Variants in KDM2A observed in about 807,000 individuals in gnomAD.
KDM2A encodes the protein lysine-specific demethylase 2A.
Under a neutral mutation model 137.3 loss-of-function variants are expected in KDM2A, and 3 were observed. The ratio of observed to expected loss-of-function variants is 0.02; its 90% CI spans 0.01 to 0.06. The LOEUF (loss-of-function observed/expected upper bound fraction) is 0.06. Ranked by LOEUF, KDM2A falls within the 10% of genes least tolerant of loss-of-function variation. The pLI is 1.00. For synonymous variants in KDM2A, 512 were observed against 541.5 expected (o/e 0.95, Z 0.76); for missense variants, 738 against 1,510.6 (o/e 0.49, Z 8.48).
Position 67,166,183 on chromosome 11 carries a change from C to G in KDM2A, c.43-13896C>G, listed in dbSNP as rs1590740285. On this transcript the variant is annotated intron_variant, in intron 2 of 20. Transcript: ENST00000529006. ...TTGACTTTCAGGAGAAACAATATTT[C>G]TCTTTTTTTTTTTTTTTTTTTGAGA... Among the ~76,000 whole-genome samples the G allele has an allele frequency of 2.7e-5, 4 of 147,922 alleles. No individual in the cohort carries two copies. In the East Asian group the frequency reaches 7.9e-4, roughly 29 times the overall value.
Position 67,180,236 on chromosome 11 carries a change from C to A in KDM2A, c.181+19C>A. On this transcript the variant is annotated intron_variant, in intron 3 of 20. Transcript: ENST00000529006. ...GGAAAAGGTCAGTATTGTTTTGGTT[C>A]CAGCTTACAGTCCTTTGATGTGGGA... 6.2e-7 allele frequency: 1 copy of A among 1,610,450 alleles called. No individual in the cohort carries two copies. Among genetic ancestry groups the A allele is most frequent in the Non-Finnish European group, 8.5e-7 (1 of 1,178,224 alleles).
At chr11:67,228,408 C>T (rs1001281169) in intron 11 of KDM2A, among the ~76,000 whole-genome samples, 1 of 152,084 alleles carries the variant, frequency 6.6e-6, no homozygotes, top group Non-Finnish European at 1.5e-5. Context: ...GAAGGATGAT[C>T]AAGCCGGACA....
intron 2 of KDM2A, among the ~76,000 whole-genome samples, chr11:67,166,910 C>G (rs1295495189): frequency 6.6e-6 from 1 of 151,938 alleles, no homozygotes; most frequent in African/African-American, 2.4e-5. Flanking sequence ...GACCTCGTCT[C>G]TACTAAAAAT....
intron 2 of KDM2A, among the ~76,000 whole-genome samples, chr11:67,140,308 G>A (rs1856069597): frequency 6.6e-6 from 1 of 152,030 alleles, no homozygotes; most frequent in Admixed American, 6.6e-5. Context: ...CAAGGCTGCA[G>A]TGAGCTTTGA....
intron 13 of KDM2A, among the ~76,000 whole-genome samples, chr11:67,244,225 A>T (rs1859136089): frequency 6.6e-6 from 1 of 152,212 alleles, no homozygotes; most frequent in South Asian, 2.1e-4. Context: ...TGTTTAAGAT[A>T]TGGTAAGAAA....
At chr11:67,226,751 C>G (rs1858558636) in intron 10 of KDM2A, among the ~76,000 whole-genome samples, 1 of 152,056 alleles carries the variant, frequency 6.6e-6, no homozygotes, top group Admixed American at 6.6e-5. Flanking sequence ...ATCAGATTTC[C>G]TTCAGCATCA....
At chr11:67,185,154 GAGAC>G (rs1289834599) in intron 5 of KDM2A, among the ~76,000 whole-genome samples, 7 of 152,110 alleles carry the variant, frequency 4.6e-5, no homozygotes, top group African/African-American at 1.4e-4. Context: ...TATCAATAAA[GAGAC>G]AGAAAACCTT....
chr11:67,208,980 A>T (rs899534576), intron 6 of KDM2A, among the ~76,000 whole-genome samples: 1 of 151,350 alleles, frequency 6.6e-6, no homozygotes, highest in South Asian at 2.1e-4. Context: ...GTTGCCCGGG[A>T]TATAGAGTGC....
intron 17 of KDM2A, 190 bp from the exon 18 acceptor site, chr11:67,252,504 A>G: frequency 1.6e-6 from 1 of 624,106 alleles, no homozygotes; most frequent in Non-Finnish European, 2.9e-6. Flanking sequence ...CAAAGCGTCT[A>G]GTTGTTGTAG....
rs564329419 is a variant in KDM2A, at chr11:67,147,271, G to A, written c.42+25913G>A. On this transcript the variant is annotated intron_variant, in intron 2 of 20. Coordinates refer to ENST00000529006, the MANE Select transcript of KDM2A (RefSeq NM_012308.3). Reference sequence around the variant, plus strand: ...ATATGACTTCCACTGGGCCGGGTGCGGTGGCTCAAGCCTGTAATCCCAGCA... The same window carrying A: ...ATATGACTTCCACTGGGCCGGGTGCAGTGGCTCAAGCCTGTAATCCCAGCA... Among the ~76,000 whole-genome samples, 31 of 152,204 alleles carry A rather than the reference G, an allele frequency of 2.0e-4. No individual in the cohort carries two copies. In the South Asian group the frequency reaches 2.7e-3, roughly 13 times the overall value.
At position 67,119,841 on chromosome 11, in the gene KDM2A, C is replaced by G. The variant is rs1282368476; in HGVS notation, c.-292C>G. 6.6e-6 allele frequency: 1 copy of G among 151,904 alleles called. No individual in the cohort carries two copies. The allele number at this position is 151,904 out of a possible 1,614,324, so 9.4% of individuals were successfully genotyped here. ...CGCCGAGGGGTCGCGCTCCTCTCTC[C>G]TGACGCCTCCGACTCCCGGTCTCCA... On this transcript the variant is annotated 5_prime_UTR_variant, in exon 1 of 21. Transcript: ENST00000529006.
intron 2 of KDM2A, among the ~76,000 whole-genome samples, chr11:67,138,131 T>A (rs370647147): frequency 6.6e-6 from 1 of 152,162 alleles, no homozygotes; most frequent in African/African-American, 2.4e-5. Context: ...CCGTCACATA[T>A]ACAGTTGTTG....
rs1403915817 is a variant in KDM2A, at chr11:67,146,303, T to C, written c.42+24945T>C. On this transcript the variant is annotated intron_variant, in intron 2 of 20. Coordinates refer to ENST00000529006, the MANE Select transcript of KDM2A (RefSeq NM_012308.3). ...CCACCGCACCTGGCCCCCATTTCTT[T>C]AACATTTGATTTTTCTGCTGTCATA... Among the ~76,000 whole-genome samples, 5 of 152,026 alleles carry C rather than the reference T, an allele frequency of 3.3e-5. No homozygotes were observed. In the East Asian group the frequency reaches 7.7e-4, roughly 24 times the overall value.
intron 6 of KDM2A, among the ~76,000 whole-genome samples, chr11:67,208,484 C>G (rs1857880688): frequency 6.6e-6 from 1 of 151,770 alleles, no homozygotes; most frequent in Non-Finnish European, 1.5e-5. Context: ...AAAATTCAAC[C>G]TTGGGGCCAG....
chr11:67,183,255 G>A (rs1203092634), intron 5 of KDM2A, among the ~76,000 whole-genome samples: 1 of 152,186 alleles, frequency 6.6e-6, no homozygotes, highest in Non-Finnish European at 1.5e-5. Flanking sequence ...ACACTCAGGG[G>A]ACCTCAGAAA....
chr11:67,169,759 C>CTCTCTCTTTTT (rs756503460), intron 2 of KDM2A, among the ~76,000 whole-genome samples: 1 of 65,698 alleles, frequency 1.5e-5, no homozygotes. Context: ...CTCTCTCTCT[C>CTCTCTCTTTTT]TTTTTTTTTT....
chr11:67,237,434 A>G (rs1008010605), intron 12 of KDM2A, among the ~76,000 whole-genome samples: 1 of 150,612 alleles, frequency 6.6e-6, no homozygotes, highest in Middle Eastern at 3.4e-3. Flanking sequence ...ATGTTTTTAA[A>G]TTTTTCTTTA....
At chr11:67,172,427 A>G (rs1017246368) in intron 2 of KDM2A, among the ~76,000 whole-genome samples, 1 of 152,144 alleles carries the variant, frequency 6.6e-6, no homozygotes, top group Non-Finnish European at 1.5e-5. Context: ...ACATTTTTCT[A>G]TTTAGCTACC....
rs1859245479 is a variant in KDM2A at position 67,247,040 on chromosome 11, TATATA to T, written c.1965+925_1965+929del. Among the ~76,000 whole-genome samples, 23 of 19,208 alleles carry T rather than the reference TATATA, an allele frequency of 1.2e-3. 1 individual carries two copies. The highest frequency in any genetic ancestry group is 3.4e-3 in the African/African-American group (20 of 5,804). The allele number at this position is 19,208 out of a possible 152,430, so 12.6% of individuals were successfully genotyped here. A position where few individuals can be genotyped will look rare whatever the true frequency, so the allele number is the denominator to read the frequency against. On this transcript the variant is annotated intron_variant, in intron 15 of 20. Coordinates refer to ENST00000529006, the MANE Select transcript of KDM2A (RefSeq NM_012308.3). ...TCATTTAATGTTATAAATTATTTTATATATATATATATATATATATATATATATAT... is the reference window on the plus strand; with the variant it reads ...TCATTTAATGTTATAAATTATTTTATTATATATATATATATATATATATAT...
Sources: gnomAD v4.1 joint callset for allele counts (sites outside exome capture counted in the v4.1 genomes callset) on GRCh38, gnomAD v4.1.1 for gene constraint, MANE v1.5 for transcripts, NCBI Gene and HGNC (gene_info 2026-07-23, HGNC 2026-07-21) for gene names.